The following CMTR1 variants were observed in gnomAD, a reference collection of about 807,000 sequenced individuals.
CMTR1 encodes cap methyltransferase 1, also known as cap-specific mRNA (nucleoside-2'-O-)-methyltransferase 1.
A neutral mutation model predicts 107.0 loss-of-function variants in CMTR1; 39 were observed. The ratio of observed to expected loss-of-function variants is 0.36; its 90% CI spans 0.28 to 0.48. The LOEUF (loss-of-function observed/expected upper bound fraction) is 0.48, where lower values mean the gene tolerates loss of function less well. CMTR1 is among the 20% of genes least tolerant of loss of function. CMTR1 has a pLI of 0.99. For synonymous variants in CMTR1, 366 were observed against 379.5 expected (o/e 0.96, Z 0.41); for missense variants, 672 against 1,064.9 (o/e 0.63, Z 5.14).
the CMTR1 span, among the ~76,000 whole-genome samples, chr6:37,426,660 A>G: frequency 6.6e-6 from 1 of 152,020 alleles, no homozygotes; most frequent in Admixed American, 6.6e-5. Context: ...CAGCTTCCCA[A>G]GTAGCTGGGA....
intron 4 of CMTR1, among the ~76,000 whole-genome samples, chr6:37,447,477 G>C (rs1405487810): frequency 6.6e-6 from 1 of 152,168 alleles, no homozygotes; most frequent in African/African-American, 2.4e-5. Context: ...GTACCTGATG[G>C]TTTCTATGTC....
At chr6:37,475,633 C>T (rs1440544148) in intron 19 of CMTR1, 13 of 586,446 alleles carry the variant, frequency 2.2e-5, no homozygotes, top group Non-Finnish European at 4.0e-5. Context: ...TCAGAGATAC[C>T]AGCACACTCC....
At chr6:37,478,732 A>G (rs144347095) in intron 22 of CMTR1, among the ~76,000 whole-genome samples, 228 of 152,288 alleles carry the variant, frequency 1.5e-3, no homozygotes, top group Middle Eastern at 0.01. Flanking sequence ...GTTAGGCAAT[A>G]GGGAGAGGAG....
intron 7 of CMTR1, 35 bp downstream of exon 7, chr6:37,453,176 C>T (rs1272404296): frequency 1.2e-6 from 2 of 1,612,236 alleles, no homozygotes; most frequent in East Asian, 2.2e-5. Flanking sequence ...CCCTGATGCT[C>T]CCTGCTCTAC....
intron 2 of CMTR1, among the ~76,000 whole-genome samples, chr6:37,437,603 C>A (rs1771564626): frequency 6.6e-6 from 1 of 151,770 alleles, no homozygotes; most frequent in Non-Finnish European, 1.5e-5. Flanking sequence ...CCCAAGGACG[C>A]CAAAAGATTG....
intron 13 of CMTR1, among the ~76,000 whole-genome samples, chr6:37,470,321 T>C (rs1005054534): frequency 2.6e-5 from 4 of 152,098 alleles, no homozygotes; most frequent in African/African-American, 9.7e-5. Context: ...TGATTTTTTG[T>C]ATTTTTAGTA....
intron 13 of CMTR1, among the ~76,000 whole-genome samples, chr6:37,465,643 C>T (rs1167082988): frequency 6.6e-6 from 1 of 152,060 alleles, no homozygotes; most frequent in Non-Finnish European, 1.5e-5. Context: ...TTACAGGCAC[C>T]CACCACCACC....
At chr6:37,445,638 G>A (rs1353777672) in intron 3 of CMTR1, among the ~76,000 whole-genome samples, 3 of 151,912 alleles carry the variant, frequency 2.0e-5, no homozygotes, top group Non-Finnish European at 2.9e-5. Context: ...ACAGGTGCCT[G>A]CCACCATGCC....
At chr6:37,474,972 T>TC (rs1219269902) in intron 18 of CMTR1, among the ~76,000 whole-genome samples, 11 of 152,156 alleles carry the variant, frequency 7.2e-5, no homozygotes, top group Admixed American at 7.2e-4. Context: ...GACTTGTTTC[T>TC]CAGGAGCCAT....
At chr6:37,479,000 A>G in intron 22 of CMTR1, 147 bp from the exon 23 acceptor site, 1 of 611,898 alleles carries the variant, frequency 1.6e-6, no homozygotes, top group Non-Finnish European at 2.9e-6. Context: ...TGGGCTGGTG[A>G]TGAAGGCTGC....
chr6:37,436,976 G>A lies in CMTR1; in HGVS notation c.133+1214G>A, dbSNP rs1771542760. On this transcript the variant is annotated intron_variant, in intron 2 of 23. Coordinates refer to ENST00000373451, the MANE Select transcript of CMTR1 (RefSeq NM_015050.3). ...CAAGTGATAAGCTTATTGAAGGGCA[G>A]TTACTCATCAGCTGCTACTGAGAAG... Among the ~76,000 whole-genome samples, 3 of 152,204 alleles carry A rather than the reference G, an allele frequency of 2.0e-5. No individual in the cohort carries two copies. In the South Asian group the frequency reaches 6.2e-4, roughly 31 times the overall value.
At chr6:37,474,397 C>A in intron 17 of CMTR1, 127 bp from the exon 18 acceptor site, 1 of 1,080,718 alleles carries the variant, frequency 9.3e-7, no homozygotes, top group Non-Finnish European at 1.4e-6. Flanking sequence ...CTCTCATAGA[C>A]ATTTTCTTCT....
intron 20 of CMTR1, among the ~76,000 whole-genome samples, chr6:37,477,254 G>T (rs1231918387): frequency 6.6e-6 from 1 of 152,238 alleles, no homozygotes; most frequent in Non-Finnish European, 1.5e-5. Context: ...TCTGGTGATG[G>T]TGAAGATGAC....
chr6:37,452,222 GC>G (rs940391952), intron 6 of CMTR1, among the ~76,000 whole-genome samples: 25 of 152,322 alleles, frequency 1.6e-4, no homozygotes, highest in African/African-American at 6.0e-4. Context: ...GCAACTCTTT[GC>G]TGTGTGACCT....
At chr6:37,478,758 C>T (rs1031774289) in intron 22 of CMTR1, among the ~76,000 whole-genome samples, 2 of 152,188 alleles carry the variant, frequency 1.3e-5, no homozygotes, top group African/African-American at 4.8e-5. Flanking sequence ...CTTGTACACA[C>T]GCACGTGTTG....
Position 37,451,847 on chromosome 6 carries a change from A to G in CMTR1, c.579A>G (p.Glu193=). The G allele has an allele frequency of 1.2e-6, 2 of 1,613,560 alleles. No homozygotes were observed. The highest frequency in any genetic ancestry group is 8.5e-7 in the Non-Finnish European group (1 of 1,179,802). ...IIEDETEFCG[E]ELLHSVLQCK... Reference sequence around the variant, plus strand: ...AAGATGAAACAGAGTTTTGTGGGGAAGAGCTGCTTCACAGTGTGTTGCAGT... The same window carrying G: ...AAGATGAAACAGAGTTTTGTGGGGAGGAGCTGCTTCACAGTGTGTTGCAGT... Residue 193 remains glutamate (E), a synonymous_variant, in exon 6 of 24, where the codon GAA becomes GAG. Transcript: ENST00000373451.
chr6:37,470,347 C>G (rs1256601933), intron 13 of CMTR1, among the ~76,000 whole-genome samples: 3 of 151,946 alleles, frequency 2.0e-5, no homozygotes, highest in Admixed American at 6.6e-5. Context: ...GGGGTTTCAC[C>G]GTGTTAGCCA....
intron 20 of CMTR1, among the ~76,000 whole-genome samples, chr6:37,477,226 C>T (rs992396526): frequency 6.6e-6 from 1 of 152,250 alleles, no homozygotes; most frequent in Non-Finnish European, 1.5e-5. Context: ...CAAGAGCCTA[C>T]TCCTTTGTTT....
At chr6:37,446,104 C>G (rs1771788176) in intron 3 of CMTR1, among the ~76,000 whole-genome samples, 187 bp from the exon 4 acceptor site, 1 of 152,216 alleles carries the variant, frequency 6.6e-6, no homozygotes, top group African/African-American at 2.4e-5. Context: ...CCAGAACAGC[C>G]AGCCACTGGG....
Sources: gnomAD v4.1 joint callset for allele counts (sites outside exome capture counted in the v4.1 genomes callset) on GRCh38, gnomAD v4.1.1 for gene constraint, MANE v1.5 for transcripts, NCBI Gene and HGNC (gene_info 2026-07-23, HGNC 2026-07-21) for gene names.